Variants in TRPM3 observed in about 807,000 individuals in gnomAD.
The protein encoded by TRPM3 is transient receptor potential cation channel subfamily M member 3.
A neutral mutation model predicts 181.2 loss-of-function variants in TRPM3; 77 were observed. The observed-to-expected ratio is 0.42, with a 90% CI of 0.35 to 0.51. The LOEUF (loss-of-function observed/expected upper bound fraction) is 0.51, where lower values mean the gene tolerates loss of function less well. TRPM3 is among the 20% of genes least tolerant of loss of function. The pLI is 0.01. For missense variants in TRPM3, 1,759 were observed against 2,196.7 expected (o/e 0.80, Z 3.98); for synonymous variants, 745 against 796.4 (o/e 0.94, Z 1.09).
intron 1 of TRPM3, among the ~76,000 whole-genome samples, chr9:71,222,575 A>G (rs911515737): frequency 2.0e-5 from 3 of 152,234 alleles, no homozygotes; most frequent in Non-Finnish European, 2.9e-5. Context: ...ATCTACACAA[A>G]AAAGCACCCT....
chr9:71,033,054 A>G (rs2057732555), intron 1 of TRPM3, among the ~76,000 whole-genome samples: 1 of 152,212 alleles, frequency 6.6e-6, no homozygotes, highest in Non-Finnish European at 1.5e-5. Flanking sequence ...CTGATAGTTC[A>G]CTGAGAAGTC....
chr9:71,416,614 T>C (rs2093641071), intron 1 of TRPM3, among the ~76,000 whole-genome samples: 1 of 151,980 alleles, frequency 6.6e-6, no homozygotes, highest in Admixed American at 6.6e-5. Context: ...AAATGCCTTA[T>C]GTTTTCATTT....
At chr9:71,239,678 T>C (rs1180140357) in intron 1 of TRPM3, among the ~76,000 whole-genome samples, 3 of 152,144 alleles carry the variant, frequency 2.0e-5, no homozygotes, top group African/African-American at 4.8e-5. Context: ...GAAAATGCAA[T>C]ATACCATTTA....
chr9:70,884,399 T>C (rs1329569242), intron 1 of TRPM3, among the ~76,000 whole-genome samples: 1 of 152,194 alleles, frequency 6.6e-6, no homozygotes, highest in Non-Finnish European at 1.5e-5. Flanking sequence ...TGGGATGCAG[T>C]GACCTGGTGA....
intron 1 of TRPM3, among the ~76,000 whole-genome samples, chr9:71,272,428 G>A (rs557796439): frequency 3.3e-5 from 5 of 152,098 alleles, no homozygotes; most frequent in Non-Finnish European, 5.9e-5. Context: ...TGTACTAACC[G>A]CTTTTCCTAC....
In TRPM3 at chr9:70,827,871, T is replaced by C. The variant is rs778276484; in HGVS notation, c.949A>G (p.Ile317Val). ...CTTGTGTTTATCTTCTGGAGTGAAA[T>C]ATGCTTTTCCAGTTGTCTTCGAAGT... ...VKLRRQLEKH[I>V]SLQKINTRIG... The change falls in exon 6 of 26, where the codon ATT (isoleucine) becomes GTT (valine). Residue 317 changes from isoleucine (I) to valine (V), a missense_variant. This residue lies in a region of TRPM3 where 737 missense variants were observed against 957.4 expected (regional missense o/e 0.77). Transcript: ENST00000677713. The C allele has an allele frequency of 1.9e-6, 3 of 1,614,104 alleles. No individual in the cohort carries two copies. In the Admixed American group the frequency reaches 5.0e-5, roughly 27 times the overall value.
chr9:71,422,788 A>T (rs2093800791), intron 1 of TRPM3, among the ~76,000 whole-genome samples: 1 of 152,042 alleles, frequency 6.6e-6, no homozygotes, highest in Admixed American at 6.6e-5. Context: ...ATTATTTGAT[A>T]TTTTCCAGTA....
chr9:71,340,512 GGA>G (rs1383622353), intron 1 of TRPM3, among the ~76,000 whole-genome samples: 1 of 152,038 alleles, frequency 6.6e-6, no homozygotes, highest in Non-Finnish European at 1.5e-5. Flanking sequence ...GTTTTAAGAA[GGA>G]GAGTTTCCCT....
chr9:71,331,809 C>T (rs373935595), intron 1 of TRPM3, among the ~76,000 whole-genome samples: 4 of 4,408 alleles, frequency 9.1e-4, no homozygotes, highest in African/African-American at 9.5e-4. Context: ...AGGAGAAAGA[C>T]GAGGAGAGAG....
At chr9:70,566,262 A>G (rs1285350453) in intron 22 of TRPM3, among the ~76,000 whole-genome samples, 3 of 152,156 alleles carry the variant, frequency 2.0e-5, no homozygotes, top group African/African-American at 4.8e-5. Flanking sequence ...TAAGAAGGCA[A>G]GATTTGAACA....
At chr9:71,230,226 T>G (rs2080959163) in intron 1 of TRPM3, among the ~76,000 whole-genome samples, 1 of 152,098 alleles carries the variant, frequency 6.6e-6, no homozygotes, top group Non-Finnish European at 1.5e-5. Flanking sequence ...AAAGACAAAC[T>G]TTGCATATTC....
At chr9:71,360,787 G>A (rs1431179) in intron 1 of TRPM3, among the ~76,000 whole-genome samples, 148,929 of 152,254 alleles carry the variant, frequency 0.98, 72,923 homozygotes, top group East Asian at 1. Context: ...ACAGCACTAT[G>A]TCATCAAGTA....
chr9:71,329,382 T>C (rs2089955089), intron 1 of TRPM3, among the ~76,000 whole-genome samples: 1 of 152,228 alleles, frequency 6.6e-6, no homozygotes, highest in South Asian at 2.1e-4. Flanking sequence ...TTTAACTATC[T>C]GATGATTCTT....
chr9:71,059,011 A>ATAT (rs2060988863), intron 1 of TRPM3, among the ~76,000 whole-genome samples: 1 of 52,638 alleles, frequency 1.9e-5, no homozygotes, highest in African/African-American at 7.7e-5. Flanking sequence ...TTGTTTGTTC[A>ATAT]TTTTTTTTTT....
At chr9:70,952,412 A>G (rs2097013889) in intron 1 of TRPM3, among the ~76,000 whole-genome samples, 1 of 152,184 alleles carries the variant, frequency 6.6e-6, no homozygotes, top group African/African-American at 2.4e-5. Context: ...TAAGCAGAAG[A>G]CTTCTTACAC....
At chr9:70,924,314 C>T (rs1209564280) in intron 1 of TRPM3, among the ~76,000 whole-genome samples, 4 of 152,098 alleles carry the variant, frequency 2.6e-5, no homozygotes, top group African/African-American at 9.7e-5. Flanking sequence ...CACTGGTCAT[C>T]TACTTCCATA....
At chr9:71,081,429 A>G (rs1484609163) in intron 1 of TRPM3, among the ~76,000 whole-genome samples, 1 of 152,146 alleles carries the variant, frequency 6.6e-6, no homozygotes, top group African/African-American at 2.4e-5. Context: ...CTCCCTTAGT[A>G]ATTGCTGAGA....
intron 1 of TRPM3, among the ~76,000 whole-genome samples, chr9:71,334,495 A>G (rs564918281): frequency 1.3e-5 from 2 of 148,242 alleles, no homozygotes; most frequent in East Asian, 3.9e-4. Flanking sequence ...CAGAATTACC[A>G]TAACATCCTC....
chr9:71,317,441 A>G (rs2088715921), intron 1 of TRPM3, among the ~76,000 whole-genome samples: 1 of 152,104 alleles, frequency 6.6e-6, no homozygotes, highest in South Asian at 2.1e-4. Context: ...GGAGTTCAAG[A>G]CCAGCCTGGG....
Sources: allele counts gnomAD v4.1 joint callset (sites outside exome capture counted in the v4.1 genomes callset), GRCh38; gene constraint gnomAD v4.1.1; regional missense constraint gnomAD v4.1.1; transcripts MANE v1.5; gene names NCBI Gene and HGNC (gene_info 2026-07-23, HGNC 2026-07-21).